SAFB2: variants seen among roughly 807,000 people sequenced by gnomAD.
SAFB2 encodes the protein scaffold attachment factor B2.
Under a neutral mutation model 100.6 loss-of-function variants are expected in SAFB2, and 32 were observed. The observed-to-expected ratio is 0.32, with a 90% CI of 0.24 to 0.43. The LOEUF is 0.43. Ranked by LOEUF, SAFB2 falls within the 20% of genes least tolerant of loss-of-function variation. SAFB2 has a pLI of 1.00. For missense variants in SAFB2, 1,185 were observed against 1,163.4 expected, an observed-to-expected ratio of 1.02 and a Z score of -0.27; for synonymous variants, 500 against 439.4, an observed-to-expected ratio of 1.14 and a Z score of -1.72.
At chr19:5,594,806 T>C (rs2052501353) in intron 14 of SAFB2, among the ~76,000 whole-genome samples, 1 of 152,154 alleles carries the variant, frequency 6.6e-6, no homozygotes, top group Non-Finnish European at 1.5e-5. Context: ...CCAGCAGTTA[T>C]CAGCCTGGCA....
In SAFB2 at chr19:5,594,060, C is replaced by A; in HGVS notation, c.2038G>T (p.Glu680Ter). The A allele has an allele frequency of 6.3e-7, 1 of 1,588,792 alleles. No individual in the cohort carries two copies. The highest frequency in any genetic ancestry group is 8.5e-7 in the Non-Finnish European group (1 of 1,173,058). Residue 680 changes from glutamate (E) to a stop codon, truncating the protein, a stop_gained, in exon 15 of 21, where the codon GAG becomes TAG. Transcript: ENST00000252542. LOFTEE classifies it high-confidence loss of function. The part of the protein sequence containing the change: ...LECQRQRLER[E>*]RMERERLERE... ...TCCAGCCGCTCCCGCTCCATGCGCT[C>A]CCGCTCCAGCCGCTGGCGCTGGCAC...
At chr19:5,601,878 G>A (rs1420231089) in intron 11 of SAFB2, among the ~76,000 whole-genome samples, 1 of 152,106 alleles carries the variant, frequency 6.6e-6, no homozygotes, top group Non-Finnish European at 1.5e-5. Context: ...CTGGAAAAAA[G>A]ACTGGAAGGA....
rs918568088 is a variant in SAFB2, at chr19:5,590,211, G to A, written c.2525+67C>T. The stretch of plus-strand genomic sequence containing the variant: ...GAATCAAACCTTGGGGACGTGCCTG[G>A]CCAGGCACCAACCTTTTCCCAGGTT... On this transcript the variant is annotated intron_variant, in intron 18 of 20. Transcript: ENST00000252542. 6.6e-6 allele frequency: 9 copies of A among 1,359,550 alleles called. No homozygotes were observed. The African/African-American group carries it at 1.3e-4, about 20-fold the overall frequency. The allele number at this position is 1,359,550 out of a possible 1,614,324, so 84.2% of individuals were successfully genotyped here.
intron 14 of SAFB2, 31 bp from the exon 15 acceptor site, chr19:5,594,209 C>G: frequency 6.5e-7 from 1 of 1,536,724 alleles, no homozygotes; most frequent in Non-Finnish European, 8.7e-7. Context: ...GCCCTGAACT[C>G]CCTGCGTGAG....
At position 5,604,926 on chromosome 19, in the gene SAFB2, G is replaced by A; in HGVS notation, c.1307C>T (p.Ala436Val). 6.2e-7 allele frequency: 1 copy of A among 1,612,708 alleles called. No homozygotes were observed. Among genetic ancestry groups the A allele is most frequent in the Non-Finnish European group, 8.5e-7 (1 of 1,179,934 alleles). The change falls in exon 10 of 21, where the codon GCC becomes GTC. Residue 436 changes from alanine to valine, a missense_variant. By Grantham distance (64) the Ala-to-Val change is moderately conservative. This residue lies in a region of SAFB2 where 94 missense variants were observed against 135.1 expected (regional missense o/e 0.70). Coordinates refer to ENST00000252542, the MANE Select transcript of SAFB2 (RefSeq NM_014649.3). ...LFSKYGKVVG[A>V]KVVTNARSPG... Reference sequence around the variant, plus strand: ...GCTGCGGGCGTTCGTTACCACTTTGGCCCCGACAACCTTCATGAAAAAGGG... The same window carrying A: ...GCTGCGGGCGTTCGTTACCACTTTGACCCCGACAACCTTCATGAAAAAGGG...
Position 5,622,720 on chromosome 19 carries a change from G to C in SAFB2, c.-5C>G, listed in dbSNP as rs368884536. ...CCCGGGCAGAGTCTCCGCCATCGTC[G>C]CGTTCCCGTCTTCGCCACCGACTCA... On this transcript the variant is annotated 5_prime_UTR_variant, in exon 1 of 21. Transcript: ENST00000252542. 24 of 1,597,562 alleles carry C rather than the reference G, an allele frequency of 1.5e-5. No individual in the cohort carries two copies. In the African/African-American group the frequency reaches 2.7e-4, roughly 18 times the overall value.
chr19:5,605,831 C>T (rs2052762999), intron 9 of SAFB2, among the ~76,000 whole-genome samples: 1 of 152,202 alleles, frequency 6.6e-6, no homozygotes, highest in Non-Finnish European at 1.5e-5. Flanking sequence ...TGCCTAGATT[C>T]CCAGGCAATG....
At chr19:5,598,691 A>G (rs1220091672) in intron 13 of SAFB2, 102 bp downstream of exon 13, 3 of 1,108,306 alleles carry the variant, frequency 2.7e-6, no homozygotes, top group African/African-American at 1.5e-5. Context: ...ACAAACTTCA[A>G]TTTTAAAGGC....
At chr19:5,602,905 A>ACCCCCCCCCCCCCCC (rs1157478969) in intron 11 of SAFB2, among the ~76,000 whole-genome samples, 3 of 140,056 alleles carry the variant, frequency 2.1e-5, no homozygotes, top group Non-Finnish European at 3.1e-5. Context: ...TAGAGGGCTC[A>ACCCCCCCCCCCCCCC]CCGCCCCCCC....
At chr19:5,593,692 C>CA in intron 15 of SAFB2, 199 bp downstream of exon 15, 1 of 522,462 alleles carries the variant, frequency 1.9e-6, no homozygotes, top group Non-Finnish European at 3.2e-6. Flanking sequence ...AGATGCTACA[C>CA]AGCCTCCGGT....
At position 5,622,658 on chromosome 19, in the gene SAFB2, G is replaced by A. The variant is rs1362651975; in HGVS notation, c.58C>T (p.Pro20Ser). 7.5e-6 allele frequency: 12 copies of A among 1,609,154 alleles called. No homozygotes were observed. The highest frequency in any genetic ancestry group is 1.0e-5 in the Non-Finnish European group (12 of 1,179,024). ...CTCGTCCCAGTCTCCGCAACGCCCG[G>A]GCCGAGAGAAGCCGTGCCAGGGCCC... is the stretch of plus-strand genomic sequence containing the variant. Reference protein sequence around the residue: ...DSGPGTASLGPGVAETGTRRL... With the variant: ...DSGPGTASLGSGVAETGTRRL... The change falls in exon 1 of 21, where the codon CCG (proline) becomes TCG (serine). Residue 20 changes from proline (P) to serine (S), a missense_variant. Pro to Ser is a moderately conservative substitution (Grantham distance 74). Around this residue, in one of 3 missense-constraint regions of SAFB2, gnomAD observed 351 missense variants for 341.2 expected, o/e 1.03. Coordinates refer to ENST00000252542, the MANE Select transcript of SAFB2 (RefSeq NM_014649.3).
chr19:5,618,188 TC>T (rs1224541743), intron 2 of SAFB2, among the ~76,000 whole-genome samples: 1 of 151,896 alleles, frequency 6.6e-6, no homozygotes, highest in Non-Finnish European at 1.5e-5. Context: ...ATACATACTT[TC>T]CCGTCTCTAC....
In SAFB2 at chr19:5,587,978, C is replaced by A; in HGVS notation, c.2528G>T (p.Gly843Val). The change falls in exon 19 of 21, where the codon GGT becomes GTT. Residue 843 changes from glycine (G) to valine (V), a missense_variant and splice_region_variant. By Grantham distance (109) the Gly-to-Val change is moderately radical. Transcript: ENST00000252542. The surrounding 1 kb of genome is among the most constrained non-coding windows in gnomAD (Gnocchi z 4.9). ...EGRGLPPPPRGGRDWGEHNQR... is the reference protein window; with the variant it reads ...EGRGLPPPPRVGRDWGEHNQR... ...GTTGTGCTCTCCCCAGTCACGGCCA[C>A]CCCTTTGCCAAAAGAAAAAGACATG... 6.2e-7 allele frequency: 1 copy of A among 1,610,092 alleles called. No individual in the cohort carries two copies. Among genetic ancestry groups the A allele is most frequent in the Non-Finnish European group, 8.5e-7 (1 of 1,178,424 alleles).
In SAFB2 at chr19:5,590,388, A is replaced by G. The variant is rs759636053; in HGVS notation, c.2415T>C (p.His805=). The G allele has an allele frequency of 6.2e-7, 1 of 1,610,902 alleles. No homozygotes were observed. Among genetic ancestry groups the G allele is most frequent in the African/African-American group, 1.3e-5 (1 of 74,854 alleles). The change falls in exon 18 of 21, where the codon CAT becomes CAC. Residue 805 remains histidine, a synonymous_variant. Transcript: ENST00000252542. ...RDGQHYGDDR[H]GHGGPPERHG... ...GGCGCTCTGGGGGTCCTCCGTGGCC[A>G]TGGCGGTCATCTCCATAGTGCTGGA...
chr19:5,592,999 T>TA, intron 15 of SAFB2, 112 bp from the exon 16 acceptor site: 1 of 947,850 alleles, frequency 1.1e-6, no homozygotes, highest in Non-Finnish European at 1.6e-6. Flanking sequence ...CAGTATCGTT[T>TA]AAAATGTCCT....
At chr19:5,589,949 G>A (rs1599222877) in intron 18 of SAFB2, among the ~76,000 whole-genome samples, 3 of 152,190 alleles carry the variant, frequency 2.0e-5, no homozygotes, top group Non-Finnish European at 2.9e-5. Context: ...ACCACGGACG[G>A]GGCAGGACTA....
intron 7 of SAFB2, 94 bp from the exon 8 acceptor site, chr19:5,610,782 G>A (rs2052893504): frequency 1.1e-6 from 1 of 917,508 alleles, no homozygotes; most frequent in Non-Finnish European, 1.6e-6. Flanking sequence ...ATACCTACCA[G>A]AAAATTAGTC....
chr19:5,590,216 G>GCCCC, intron 18 of SAFB2, 62 bp downstream of exon 18: 1 of 1,378,578 alleles, frequency 7.3e-7, no homozygotes, highest in Non-Finnish European at 9.6e-7. Context: ...GCCTGGCCAG[G>GCCCC]CACCAACCTT....
Position 5,604,989 on chromosome 19 carries a change from C to CT in SAFB2, c.1297-54dup, listed in dbSNP as rs2052743452. The CT allele has an allele frequency of 2.7e-5, 43 of 1,579,506 alleles. 1 individual carries two copies. The highest frequency in any genetic ancestry group is 6.8e-5 in the Admixed American group (4 of 59,038). ...CTCATACAAATGACCACACAACTTG[C>CT]TAAAGTTATTACCTGGCAATCAGAA... On this transcript the variant is annotated intron_variant, in intron 9 of 20. Transcript: ENST00000252542.
Sources: gnomAD v4.1 joint callset for allele counts (sites outside exome capture counted in the v4.1 genomes callset) on GRCh38, gnomAD v4.1.1 for gene constraint, gnomAD v4.1.1 regional missense constraint, Gnocchi (gnomAD v3.1) non-coding constraint, MANE v1.5 for transcripts, NCBI Gene and HGNC (gene_info 2026-07-23, HGNC 2026-07-21) for gene names.